Variants in SLC39A11 observed in about 807,000 individuals in gnomAD.
SLC39A11 encodes the protein solute carrier family 39 member 11.
SLC39A11 carries 33 observed loss-of-function variants against 36.1 expected under a neutral mutation model. The ratio of observed to expected loss-of-function variants is 0.91; its 90% CI spans 0.69 to 1.22. The LOEUF (loss-of-function observed/expected upper bound fraction) is 1.22, where lower values mean the gene tolerates loss of function less well. SLC39A11 is among the 50% of genes most tolerant of loss of function. The pLI is 0.00. For synonymous variants in SLC39A11, 166 were observed against 170.3 expected, an observed-to-expected ratio of 0.97 and a Z score of 0.20; for missense variants, 432 against 430.3, an observed-to-expected ratio of 1.00 and a Z score of -0.03.
At chr17:72,787,393 G>T (rs1331846005) in intron 6 of SLC39A11, among the ~76,000 whole-genome samples, 2 of 151,572 alleles carry the variant, frequency 1.3e-5, no homozygotes, top group Non-Finnish European at 2.9e-5. Flanking sequence ...GAGTAGCTGG[G>T]ACTACAGGCG....
intron 7 of SLC39A11, among the ~76,000 whole-genome samples, chr17:72,686,569 C>CTG (rs55869883): frequency 0.72 from 109,099 of 151,680 alleles, 39,425 homozygotes; most frequent in East Asian, 0.76. Context: ...ACATCTAAAA[C>CTG]TGTTCTTCTG....
intron 6 of SLC39A11, among the ~76,000 whole-genome samples, chr17:72,781,627 G>A (rs2076322945): frequency 6.6e-6 from 1 of 151,962 alleles, no homozygotes; most frequent in African/African-American, 2.4e-5. Context: ...ATTTCACTGT[G>A]TTAACCACGT....
rs558788261 is a variant in SLC39A11, at chr17:72,646,550, A to G, written c.*1034T>C. 6.6e-6 allele frequency: 1 copy of G among 152,400 alleles called. No homozygotes were observed. Among genetic ancestry groups the G allele is most frequent in the East Asian group, 1.9e-4 (1 of 5,176 alleles). The allele number at this position is 152,400 out of a possible 1,614,324, so 9.4% of individuals were successfully genotyped here. On this transcript the variant is annotated 3_prime_UTR_variant, in exon 10 of 10. Coordinates refer to ENST00000255559, the MANE Select transcript of SLC39A11 (RefSeq NM_139177.4). ...TTTCCTATCCCCTTCTTCCTTTCCCATCCTGAGCCCTCTGGCAAGGCCTGT... is the reference window on the plus strand; with the variant it reads ...TTTCCTATCCCCTTCTTCCTTTCCCGTCCTGAGCCCTCTGGCAAGGCCTGT...
At chr17:73,033,685 C>T (rs1485537088) in intron 3 of SLC39A11, among the ~76,000 whole-genome samples, 1 of 152,180 alleles carries the variant, frequency 6.6e-6, no homozygotes. Flanking sequence ...CACCACCCAT[C>T]GTAACTATAC....
At chr17:72,736,534 C>T (rs1277578249) in intron 7 of SLC39A11, 116 bp downstream of exon 7, 4 of 858,700 alleles carry the variant, frequency 4.7e-6, no homozygotes, top group East Asian at 4.9e-5. Context: ...CAGTCTTGGT[C>T]CTGTGGGGCT....
intron 3 of SLC39A11, among the ~76,000 whole-genome samples, chr17:73,045,018 T>C (rs142100215): frequency 2.6e-5 from 4 of 152,104 alleles, no homozygotes; most frequent in Admixed American, 6.5e-5. Context: ...GGTTTTTAAG[T>C]CTCAAAAAGG....
chr17:72,648,120 A>G (rs2069654345), intron 9 of SLC39A11, among the ~76,000 whole-genome samples: 1 of 152,158 alleles, frequency 6.6e-6, no homozygotes, highest in African/African-American at 2.4e-5. Context: ...ACCTGAGGTC[A>G]GGAGTTTGAG....
chr17:72,965,086 C>A lies in SLC39A11; in HGVS notation c.307-17211G>T, dbSNP rs73347595. 6.0e-3 allele frequency among the ~76,000 whole-genome samples: 825 copies of A among 136,782 alleles called. 14 individuals are homozygous for A. The highest frequency in any genetic ancestry group is 0.021 in the African/African-American group (791 of 37,746). The allele number at this position is 136,782 out of a possible 152,430, so 89.7% of individuals were successfully genotyped here. On this transcript the variant is annotated intron_variant, in intron 4 of 9. Coordinates refer to ENST00000255559, the MANE Select transcript of SLC39A11 (RefSeq NM_139177.4). ...TTGGACACAGGAAGGGGAACATCAC[C>A]GGGGCCTGTTGTGAGGTGGGGGAAG...
At chr17:73,049,189 T>C (rs1163850464) in intron 3 of SLC39A11, among the ~76,000 whole-genome samples, 1 of 152,154 alleles carries the variant, frequency 6.6e-6, no homozygotes, top group Non-Finnish European at 1.5e-5. Flanking sequence ...GGGCAGGATC[T>C]GGCAGAGGAT....
intron 7 of SLC39A11, among the ~76,000 whole-genome samples, chr17:72,719,568 A>T (rs1323242979): frequency 6.6e-6 from 1 of 152,220 alleles, no homozygotes; most frequent in Non-Finnish European, 1.5e-5. Flanking sequence ...TTCTTCCCCA[A>T]GTCGCTTGTA....
At chr17:72,815,592 G>C (rs1417275327) in intron 6 of SLC39A11, among the ~76,000 whole-genome samples, 2 of 151,790 alleles carry the variant, frequency 1.3e-5, no homozygotes, top group Non-Finnish European at 2.9e-5. Flanking sequence ...ACTCCAGCCT[G>C]GGCAACAAGA....
chr17:72,667,408 T>C (rs1010344853), intron 7 of SLC39A11, among the ~76,000 whole-genome samples: 36 of 152,302 alleles, frequency 2.4e-4, no homozygotes, highest in Admixed American at 9.8e-4. Flanking sequence ...AGAGAAATCT[T>C]TTCCTTCCTT....
intron 3 of SLC39A11, among the ~76,000 whole-genome samples, chr17:73,044,127 G>C (rs1395149182): frequency 6.6e-6 from 1 of 151,370 alleles, no homozygotes; most frequent in Non-Finnish European, 1.5e-5. Flanking sequence ...CTCCAAACTA[G>C]GAAAAAGTAC....
intron 3 of SLC39A11, among the ~76,000 whole-genome samples, chr17:73,049,026 G>A (rs368366992): frequency 3.3e-5 from 5 of 152,156 alleles, no homozygotes; most frequent in Non-Finnish European, 7.3e-5. Context: ...GTCCCTCGGC[G>A]ATGCTGTAAG....
intron 4 of SLC39A11, among the ~76,000 whole-genome samples, chr17:72,987,703 C>A (rs1241262885): frequency 6.6e-6 from 1 of 152,074 alleles, no homozygotes; most frequent in Non-Finnish European, 1.5e-5. Flanking sequence ...ATCAGAATAC[C>A]CCTTCCTCTT....
rs79153544 is a variant in SLC39A11 at position 72,860,011 on chromosome 17, AGAGGGGAGGG to A, written c.431-10217_431-10208del. On this transcript the variant is annotated intron_variant, in intron 5 of 9. Transcript: ENST00000255559. ...AAGAAAGAAAAGAGACTAGACGAGGAGAGGGGAGGGGAGGGGAGGGGAGGGGAGGGGAGGA... is the reference window on the plus strand; with the variant it reads ...AAGAAAGAAAAGAGACTAGACGAGGAGAGGGGAGGGGAGGGGAGGGGAGGA... 7.7e-4 allele frequency among the ~76,000 whole-genome samples: 66 copies of A among 85,378 alleles called. 2 individuals carry two copies. In the South Asian group the frequency reaches 0.021, roughly 27 times the overall value. The allele number at this position is 85,378 out of a possible 152,430, so 56.0% of individuals were successfully genotyped here.
chr17:72,817,228 A>G (rs1339690179), intron 6 of SLC39A11, among the ~76,000 whole-genome samples: 1 of 149,970 alleles, frequency 6.7e-6, no homozygotes, highest in African/African-American at 2.4e-5. Context: ...GCTTCCACTC[A>G]TGGTGGAAGG....
At chr17:72,811,403 T>G (rs1388735909) in intron 6 of SLC39A11, among the ~76,000 whole-genome samples, 2 of 152,164 alleles carry the variant, frequency 1.3e-5, no homozygotes, top group African/African-American at 4.8e-5. Context: ...GGTACAAACA[T>G]TCAGGCCATG....
intron 4 of SLC39A11, among the ~76,000 whole-genome samples, chr17:72,968,789 C>G (rs1169938880): frequency 6.6e-6 from 1 of 152,264 alleles, no homozygotes; most frequent in Non-Finnish European, 1.5e-5. Context: ...AAGGAAGGTT[C>G]TACACACGTG....
Sources: gnomAD v4.1 joint callset for allele counts (sites outside exome capture counted in the v4.1 genomes callset) on GRCh38, gnomAD v4.1.1 for gene constraint, MANE v1.5 for transcripts, NCBI Gene and HGNC (gene_info 2026-07-23, HGNC 2026-07-21) for gene names.